The following METTL16 variants were observed in gnomAD, a reference collection of about 807,000 sequenced individuals.
The protein encoded by METTL16 is methyltransferase 16, RNA N6-adenosine, also known as RNA N(6)-adenosine-methyltransferase METTL16.
In METTL16, 19 loss-of-function variants were observed where a neutral mutation model predicts 57.9. The observed-to-expected ratio is 0.33, with a 90% confidence interval of 0.23 to 0.48. The LOEUF is 0.48. METTL16 is among the 20% of genes least tolerant of loss of function. The probability of loss-of-function intolerance (pLI) is 0.99; values close to 1 mark genes in which losing one functional copy is unlikely to be tolerated. For missense variants in METTL16, 434 were observed against 691.5 expected (o/e 0.63, Z 4.18); for synonymous variants, 246 against 255.6 (o/e 0.96, Z 0.36).
chr17:2,446,378 C>T (rs1012160638), intron 6 of METTL16, among the ~76,000 whole-genome samples: 1 of 152,236 alleles, frequency 6.6e-6, no homozygotes, highest in Non-Finnish European at 1.5e-5. Context: ...TCTGCCTTTA[C>T]ATCACAGAAG....
chr17:2,421,796 G>T (rs1318249305), intron 8 of METTL16, among the ~76,000 whole-genome samples: 1 of 152,168 alleles, frequency 6.6e-6, no homozygotes, highest in Middle Eastern at 3.2e-3. Flanking sequence ...AGATCACGTG[G>T]GCAGAGGAGG....
intron 8 of METTL16, among the ~76,000 whole-genome samples, chr17:2,428,892 C>T (rs2066846989): frequency 6.6e-6 from 1 of 152,010 alleles, no homozygotes; most frequent in African/African-American, 2.4e-5. Context: ...GAGTTTTGCT[C>T]TTGTTGCCCA....
intron 1 of METTL16, among the ~76,000 whole-genome samples, chr17:2,506,805 G>A (rs984115737): frequency 8.6e-5 from 13 of 150,906 alleles, no homozygotes; most frequent in Admixed American, 1.3e-4. Context: ...AGTGAGGAGC[G>A]TCTCTGCCCG....
chr17:2,430,707 C>T (rs927036318), intron 8 of METTL16, among the ~76,000 whole-genome samples: 1 of 151,888 alleles, frequency 6.6e-6, no homozygotes, highest in Admixed American at 6.6e-5. Flanking sequence ...CGTGAGCCAC[C>T]GCGCCCAGCC....
In METTL16 at chr17:2,448,799, A is replaced by AT. The variant is rs1555617300; in HGVS notation, c.729-7241dup. Among the ~76,000 whole-genome samples, 99 of 77,174 alleles carry AT rather than the reference A, an allele frequency of 1.3e-3. 1 individual carries two copies. The highest frequency in any genetic ancestry group is 9.2e-3 in the South Asian group (18 of 1,964). The allele number at this position is 77,174 out of a possible 152,430, so 50.6% of individuals were successfully genotyped here. On this transcript the variant is annotated intron_variant, in intron 6 of 9. Coordinates refer to ENST00000263092, the MANE Select transcript of METTL16 (RefSeq NM_024086.4). ...AAAAAAATAAAAAAATAAAAATAAA[A>AT]TTTAAAAAAAAAAAAAAAAAAAAAA...
intron 1 of METTL16, among the ~76,000 whole-genome samples, chr17:2,510,784 T>C (rs2067581715): frequency 6.6e-6 from 1 of 152,044 alleles, no homozygotes; most frequent in Non-Finnish European, 1.5e-5. Context: ...CGCCTGAGCC[T>C]CCCAAGCAGC....
rs56373129 is a variant in METTL16, at chr17:2,432,515, G to A, written c.888+5594C>T. 6.2e-3 allele frequency among the ~76,000 whole-genome samples: 944 copies of A among 152,216 alleles called. 9 individuals are homozygous for A. The highest frequency in any genetic ancestry group is 0.021 in the African/African-American group (891 of 41,546). On this transcript the variant is annotated intron_variant, in intron 8 of 9. Transcript: ENST00000263092. ...GCCTGGGAGGTCAAAGCTGCAGTGA[G>A]CCGTGAGCGCGCCAATACATTCCAG... is the stretch of plus-strand genomic sequence containing the variant.
chr17:2,420,191 G>A lies in METTL16; in HGVS notation c.1468C>T (p.Gln490Ter), dbSNP rs1164254064. ...CTGCCGAACTGCTCAGAAGCCTCTT[G>A]GTCCTGGGCTCCGTTGCTAGAGCCT... ...CQGSSNGAQD[Q>*]EASEQFGSPV... is the part of the protein sequence containing the mutation. The change falls in exon 10 of 10, where the codon CAA becomes TAA. Residue 490 changes from glutamine (Q) to a stop codon, truncating the protein, a stop_gained. Coordinates refer to ENST00000263092, the MANE Select transcript of METTL16 (RefSeq NM_024086.4). LOFTEE classifies it high-confidence loss of function. This position sits in a 1 kb window ranked among gnomAD's most constrained non-coding sequence, Gnocchi z 5.4. The A allele has an allele frequency of 6.2e-7, 1 of 1,614,208 alleles. No individual in the cohort carries two copies.
At chr17:2,511,660 C>T (rs2067590133) in intron 1 of METTL16, 99 bp downstream of exon 1, 3 of 393,978 alleles carry the variant, frequency 7.6e-6, no homozygotes, top group Non-Finnish European at 1.3e-5. Flanking sequence ...CCGAAGTCGG[C>T]ACCTCACTAG....
intron 6 of METTL16, among the ~76,000 whole-genome samples, chr17:2,463,607 A>ATGCG (rs2067168300): frequency 6.6e-6 from 1 of 151,790 alleles, no homozygotes; most frequent in Non-Finnish European, 1.5e-5. Context: ...GACTACAGGC[A>ATGCG]CCCACCACCA....
intron 6 of METTL16, among the ~76,000 whole-genome samples, chr17:2,454,955 C>T (rs151022275): frequency 0.011 from 1,710 of 152,190 alleles, 19 homozygotes; most frequent in Non-Finnish European, 0.018. Flanking sequence ...GAGTCTCGCT[C>T]TGTTGCTCAG....
In METTL16 at chr17:2,464,294, G is replaced by A. The variant is rs755457864; in HGVS notation, c.642C>T (p.Gly214=). 6.2e-7 allele frequency: 1 copy of A among 1,613,728 alleles called. No homozygotes were observed. Reference sequence around the variant, plus strand: ...CTCCTTCTGCCATGATCTCTGTGATGCCTCCTGTATTAACAGAACTAGGCG... The same window carrying A: ...CTCCTTCTGCCATGATCTCTGTGATACCTCCTGTATTAACAGAACTAGGCG... ...RPPPSSVNTG[G]ITEIMAEGGE... Residue 214 remains glycine (G), a synonymous_variant, in exon 6 of 10, where the codon GGC becomes GGT. Transcript: ENST00000263092.
chr17:2,497,970 A>G (rs989079638), intron 2 of METTL16, among the ~76,000 whole-genome samples: 4 of 151,688 alleles, frequency 2.6e-5, no homozygotes, highest in Non-Finnish European at 4.4e-5. Context: ...TGAGGTGGGC[A>G]GATCACGAGG....
rs1469112380 is a variant in METTL16 at position 2,417,817 on chromosome 17, A to C, written c.*2153T>G. ...TGACTTTCATTTTTCCAAATCTTTA[A>C]TGAGCATGTGCCACTCTTTCATAAT... On this transcript the variant is annotated 3_prime_UTR_variant, in exon 10 of 10. Coordinates refer to ENST00000263092, the MANE Select transcript of METTL16 (RefSeq NM_024086.4). The C allele has an allele frequency of 6.6e-6, 1 of 152,166 alleles. No individual in the cohort carries two copies. Among genetic ancestry groups the C allele is most frequent in the Non-Finnish European group, 1.5e-5 (1 of 68,036 alleles). The allele number at this position is 152,166 out of a possible 1,614,324, so 9.4% of individuals were successfully genotyped here.
chr17:2,420,673 A>G lies in METTL16; in HGVS notation c.1062+58T>C. 4.5e-6 allele frequency: 7 copies of G among 1,564,032 alleles called. No individual in the cohort carries two copies. In the East Asian group the frequency reaches 9.0e-5, roughly 20 times the overall value. ...CAAACTCTCAATAAAAAAAAAAAGA[A>G]AAAAGAAAAAAGAGAAGGATCATTA... On this transcript the variant is annotated intron_variant, in intron 9 of 9. Coordinates refer to ENST00000263092, the MANE Select transcript of METTL16 (RefSeq NM_024086.4). This position sits in a 1 kb window ranked among gnomAD's most constrained non-coding sequence, Gnocchi z 5.4.
At position 2,470,218 on chromosome 17, in the gene METTL16, G is replaced by A. The variant is rs528276668; in HGVS notation, c.470-2342C>T. On this transcript the variant is annotated intron_variant, in intron 4 of 9. Transcript: ENST00000263092. ...CTGTAAGGCACATCACAGCCTTTTT[G>A]CACTGAGGAACACAAGACAGCCTTT... Among the ~76,000 whole-genome samples, 5 of 151,982 alleles carry A rather than the reference G, an allele frequency of 3.3e-5. No individual in the cohort carries two copies. In the East Asian group the frequency reaches 9.7e-4, roughly 29 times the overall value.
At chr17:2,438,444 G>C (rs1665820969) in intron 7 of METTL16, among the ~76,000 whole-genome samples, 1 of 152,150 alleles carries the variant, frequency 6.6e-6, no homozygotes, top group Admixed American at 6.6e-5. Flanking sequence ...TCAAATATAT[G>C]AAACACTGAA....
At chr17:2,506,615 T>G (rs980334214) in intron 1 of METTL16, among the ~76,000 whole-genome samples, 3 of 151,784 alleles carry the variant, frequency 2.0e-5, no homozygotes, top group Admixed American at 2.0e-4. Context: ...TGGAGTGCAG[T>G]GGCGTAATCG....
chr17:2,456,937 G>T (rs991696123), intron 6 of METTL16, among the ~76,000 whole-genome samples: 2 of 148,760 alleles, frequency 1.3e-5, no homozygotes, highest in African/African-American at 4.9e-5. Flanking sequence ...ACAGGCGCAT[G>T]CACCCGGCCT....
Sources: gnomAD v4.1 joint callset for allele counts (sites outside exome capture counted in the v4.1 genomes callset) on GRCh38, gnomAD v4.1.1 for gene constraint, Gnocchi (gnomAD v3.1) non-coding constraint, MANE v1.5 for transcripts, NCBI Gene and HGNC (gene_info 2026-07-23, HGNC 2026-07-21) for gene names.